Variants in METAP2 observed in about 807,000 individuals in gnomAD.
METAP2 encodes the protein methionyl aminopeptidase 2, also known as methionine aminopeptidase 2.
Under a neutral mutation model 59.4 loss-of-function variants are expected in METAP2, and 25 were observed. That is an observed-to-expected ratio of 0.42 (90% CI 0.31 to 0.59). The LOEUF is 0.59. Among genes scored for constraint, METAP2 ranks in the 20% least tolerant of loss-of-function variants. The pLI is 0.16. For missense variants in METAP2, 366 were observed against 581.2 expected, an observed-to-expected ratio of 0.63 and a Z score of 3.81; for synonymous variants, 214 against 194.1, an observed-to-expected ratio of 1.10 and a Z score of -0.85.
Position 95,482,160 on chromosome 12 carries a change from C to T in METAP2, c.260-1055C>T, listed in dbSNP as rs571880856. ...ATCTCCCTCCCGTCACCCAGGCTGA[C>T]GTGCTGTGGCTCGATCTCAGCTCAC... On this transcript the variant is annotated intron_variant, in intron 2 of 10. Transcript: ENST00000323666. 4.7e-4 allele frequency: 213 copies of T among 452,710 alleles called. 1 individual carries two copies. The highest frequency in any genetic ancestry group is 3.7e-3 in the African/African-American group (183 of 50,118). The allele number at this position is 452,710 out of a possible 1,614,324, so 28.0% of individuals were successfully genotyped here. A position where few individuals can be genotyped will look rare whatever the true frequency, so the allele number is the denominator to read the frequency against.
intron 8 of METAP2, among the ~76,000 whole-genome samples, chr12:95,506,714 T>C (rs906966319): frequency 6.6e-6 from 1 of 152,180 alleles, no homozygotes; most frequent in African/African-American, 2.4e-5. Context: ...CTCATCTATA[T>C]CTTTAACTTC....
At chr12:95,496,979 C>T (rs538842749) in intron 7 of METAP2, among the ~76,000 whole-genome samples, 1 of 152,090 alleles carries the variant, frequency 6.6e-6, no homozygotes, top group South Asian at 2.1e-4. Context: ...CACGCACAAC[C>T]ACTCCCGGCT....
intron 8 of METAP2, among the ~76,000 whole-genome samples, chr12:95,506,935 A>G (rs1286439068): frequency 6.6e-6 from 1 of 151,496 alleles, no homozygotes; most frequent in African/African-American, 2.4e-5. Context: ...GGTGTGTGTC[A>G]TCATGCTGGC....
At chr12:95,499,561 G>A (rs986246129) in intron 7 of METAP2, among the ~76,000 whole-genome samples, 6 of 144,562 alleles carry the variant, frequency 4.2e-5, no homozygotes, top group African/African-American at 8.0e-5. Flanking sequence ...GATTCCATAC[G>A]AATTTAGGAT....
chr12:95,512,999 T>A, intron 10 of METAP2, 83 bp downstream of exon 10: 1 of 753,238 alleles, frequency 1.3e-6, no homozygotes, highest in Admixed American at 2.3e-5. Flanking sequence ...GTGGCATACA[T>A]ACAAAATAGT....
chr12:95,498,564 G>T (rs2076292386), intron 7 of METAP2, among the ~76,000 whole-genome samples: 1 of 152,028 alleles, frequency 6.6e-6, no homozygotes, highest in African/African-American at 2.4e-5. Flanking sequence ...ATAGTTTCAG[G>T]TCTTCAACTT....
At chr12:95,476,478 C>CTCCA (rs2076119719) in intron 2 of METAP2, among the ~76,000 whole-genome samples, 1 of 144,254 alleles carries the variant, frequency 6.9e-6, no homozygotes, top group Non-Finnish European at 1.5e-5. Flanking sequence ...CACCACTGCA[C>CTCCA]TCCAGCCTGG....
At chr12:95,490,640 ATTATCCTCCCATC>A (rs1364570439) in intron 4 of METAP2, among the ~76,000 whole-genome samples, 2 of 147,524 alleles carry the variant, frequency 1.4e-5, no homozygotes, top group Non-Finnish European at 3.0e-5. Flanking sequence ...CTGGGCTCAA[ATTATCCTCCCATC>A]TTATCCTCCC....
chr12:95,488,379 C>T (rs778827817), intron 4 of METAP2, among the ~76,000 whole-genome samples: 15 of 151,614 alleles, frequency 9.9e-5, no homozygotes, highest in African/African-American at 1.5e-4. Context: ...TGCAGTGGTG[C>T]GTGCCTGTAA....
At chr12:95,498,202 C>G (rs961247948) in intron 7 of METAP2, among the ~76,000 whole-genome samples, 1 of 151,592 alleles carries the variant, frequency 6.6e-6, no homozygotes. Context: ...AATTCCTGAG[C>G]TCAAGCTGCA....
At chr12:95,483,335 G>A in intron 3 of METAP2, 55 bp downstream of exon 3, 2 of 1,414,484 alleles carry the variant, frequency 1.4e-6, no homozygotes, top group South Asian at 1.2e-5. Flanking sequence ...ATTCTGTCGG[G>A]TGTGGTGGCT....
chr12:95,506,994 G>T (rs1005917079), intron 8 of METAP2, among the ~76,000 whole-genome samples: 2 of 151,518 alleles, frequency 1.3e-5, no homozygotes, highest in Non-Finnish European at 2.9e-5. Flanking sequence ...CATCATGTTG[G>T]CCAGATCAGG....
In METAP2 at chr12:95,512,838, C is replaced by T; in HGVS notation, c.1106C>T (p.Thr369Ile). 2 of 1,611,980 alleles carry T rather than the reference C, an allele frequency of 1.2e-6. No individual in the cohort carries two copies. The highest frequency in any genetic ancestry group is 1.7e-6 in the Non-Finnish European group (2 of 1,178,634). ...EVYAIETFGSTGKGVVHDDME... is the reference protein window; with the variant it reads ...EVYAIETFGSIGKGVVHDDME... ...TATGCAATTGAAACCTTTGGTAGTA[C>T]AGGAAAAGGTGTTGTTCATGATGAT... The change falls in exon 10 of 11, where the codon ACA (threonine) becomes ATA (isoleucine). Residue 369 changes from threonine (T) to isoleucine (I), a missense_variant. Physicochemically the swap from Thr to Ile is moderately conservative, Grantham distance 89. Transcript: ENST00000323666.
intron 2 of METAP2, among the ~76,000 whole-genome samples, chr12:95,479,444 AAAG>A: frequency 6.6e-6 from 1 of 152,282 alleles, no homozygotes; most frequent in Middle Eastern, 3.4e-3. Context: ...GTTTGCAGGC[AAAG>A]AAGAGGGTAC....
chr12:95,488,511 CAAAAAAAAAAAAA>C (rs537119415), intron 4 of METAP2, among the ~76,000 whole-genome samples: 14 of 76,560 alleles, frequency 1.8e-4, no homozygotes, highest in Non-Finnish European at 2.5e-4. Context: ...TTTGTCTCAC[CAAAAAAAAAAAAA>C]AAAAAAAAAA....
chr12:95,481,902 A>G (rs1021666906), intron 2 of METAP2, among the ~76,000 whole-genome samples: 1 of 152,332 alleles, frequency 6.6e-6, no homozygotes, highest in Non-Finnish European at 1.5e-5. Context: ...GGAAAAAACT[A>G]TTGTTTCTCC....
intron 4 of METAP2, among the ~76,000 whole-genome samples, chr12:95,492,245 C>T (rs533958206): frequency 5.3e-5 from 8 of 152,252 alleles, no homozygotes; most frequent in African/African-American, 1.9e-4. Context: ...AAGCAGTCCT[C>T]CCACTTTGGC....
At chr12:95,495,227 C>A (rs184183463) in intron 6 of METAP2, 89 bp downstream of exon 6, 12,803 of 1,138,010 alleles carry the variant, frequency 0.011, 116 homozygotes, top group Non-Finnish European at 0.014. Flanking sequence ...TACTGAACTC[C>A]CAAATTTTGT....
intron 1 of METAP2, among the ~76,000 whole-genome samples, chr12:95,475,180 C>T (rs1267285253): frequency 1.3e-5 from 2 of 152,138 alleles, no homozygotes; most frequent in Non-Finnish European, 2.9e-5. Flanking sequence ...ATTATTTTTA[C>T]TTGTTTCTAA....
Sources: allele counts gnomAD v4.1 joint callset (sites outside exome capture counted in the v4.1 genomes callset), GRCh38; gene constraint gnomAD v4.1.1; transcripts MANE v1.5; gene names NCBI Gene and HGNC (gene_info 2026-07-23, HGNC 2026-07-21).